Variants in TCF4 observed in about 807,000 individuals in gnomAD.
TCF4 encodes the protein transcription factor 4.
TCF4 carries 3 observed loss-of-function variants against 82.1 expected under a neutral mutation model. The observed-to-expected ratio is 0.04, with a 90% CI of 0.02 to 0.09. The LOEUF (loss-of-function observed/expected upper bound fraction) is 0.09, where lower values mean the gene tolerates loss of function less well. Among genes scored for constraint, TCF4 ranks in the 10% least tolerant of loss-of-function variants. The probability of loss-of-function intolerance (pLI) is 1.00; values close to 1 mark genes in which losing one functional copy is unlikely to be tolerated. For missense variants in TCF4, 518 were observed against 852.7 expected (o/e 0.61, Z 4.89); for synonymous variants, 276 against 309.6 (o/e 0.89, Z 1.14).
Position 55,343,437 on chromosome 18 carries a change from A to T in TCF4, c.549+6922T>A, listed in dbSNP as rs188815542. Among the ~76,000 whole-genome samples the T allele has an allele frequency of 1.2e-3, 180 of 152,296 alleles. 1 individual carries two copies. Among genetic ancestry groups the T allele is most frequent in the Non-Finnish European group, 2.0e-3 (139 of 67,998 alleles). On this transcript the variant is annotated intron_variant, in intron 8 of 19. Coordinates refer to ENST00000354452, the MANE Select transcript of TCF4 (RefSeq NM_001083962.2). ...AAGTTTCATCCCTAGTGGCTTATTT[A>T]TGATTAATTCCTCAGATGACAAAGT... is the stretch of plus-strand genomic sequence containing the variant.
chr18:55,405,804 C>A (rs2094057285), intron 5 of TCF4, among the ~76,000 whole-genome samples: 1 of 152,160 alleles, frequency 6.6e-6, no homozygotes, highest in African/African-American at 2.4e-5. Flanking sequence ...TGAATTCACG[C>A]TGCAGAGTCC....
At chr18:55,557,102 C>T (rs1280980355) in intron 3 of TCF4, among the ~76,000 whole-genome samples, 1 of 152,176 alleles carries the variant, frequency 6.6e-6, no homozygotes, top group African/African-American at 2.4e-5. Context: ...TAATTCATAT[C>T]GGTATGTGTA....
intron 3 of TCF4, among the ~76,000 whole-genome samples, chr18:55,555,387 C>T (rs913577949): frequency 6.6e-6 from 1 of 152,164 alleles, no homozygotes; most frequent in African/African-American, 2.4e-5. Context: ...TTGGTCACTA[C>T]TGTAACCATA....
intron 6 of TCF4, among the ~76,000 whole-genome samples, chr18:55,356,843 C>T (rs1170900100): frequency 6.6e-6 from 1 of 152,082 alleles, no homozygotes; most frequent in African/African-American, 2.4e-5. Context: ...TGGAAATGTA[C>T]GTAATTCCCA....
chr18:55,503,438 C>T (rs1439474587), intron 3 of TCF4, among the ~76,000 whole-genome samples: 1 of 152,114 alleles, frequency 6.6e-6, no homozygotes, highest in Non-Finnish European at 1.5e-5. Context: ...CATTCATTCT[C>T]AAAAGCAACC....
intron 6 of TCF4, among the ~76,000 whole-genome samples, chr18:55,372,580 ACT>A (rs557247199): frequency 4.9e-4 from 74 of 152,220 alleles, no homozygotes; most frequent in African/African-American, 1.7e-3. Context: ...AAATGCAAAG[ACT>A]CTGAAAATTT....
Position 55,586,136 on chromosome 18 carries a change from A to G in TCF4, c.73-784T>C, listed in dbSNP as rs1648309128. On this transcript the variant is annotated intron_variant, in intron 2 of 19. Transcript: ENST00000354452. ...CTAGAAGAGGAGGAGGAGGAGGAGA[A>G]GGAGGAGGAGGAGGAGGAGCAGCAG... 4 of 1,344,344 alleles carry G rather than the reference A, an allele frequency of 3.0e-6. No homozygotes were observed. The African/African-American group carries it at 4.4e-5, about 15-fold the overall frequency. The allele number at this position is 1,344,344 out of a possible 1,614,324, so 83.3% of individuals were successfully genotyped here. A position where few individuals can be genotyped will look rare whatever the true frequency, so the allele number is the denominator to read the frequency against.
intron 3 of TCF4, among the ~76,000 whole-genome samples, chr18:55,554,744 T>C (rs2097289734): frequency 6.6e-6 from 1 of 152,190 alleles, no homozygotes; most frequent in South Asian, 2.1e-4. Flanking sequence ...TCACCTGGAA[T>C]TTAAACATCT....
chr18:55,270,617 AC>A (rs1240953294), intron 10 of TCF4, among the ~76,000 whole-genome samples: 3 of 152,148 alleles, frequency 2.0e-5, no homozygotes, highest in African/African-American at 7.2e-5. Flanking sequence ...TCCATGCCCC[AC>A]CTACAAGCAA....
intron 3 of TCF4, among the ~76,000 whole-genome samples, chr18:55,517,376 A>C (rs1329882827): frequency 6.6e-6 from 1 of 152,144 alleles, no homozygotes; most frequent in Non-Finnish European, 1.5e-5. Context: ...CCCTAAACCA[A>C]CCAGGCCCTC....
At chr18:55,417,593 T>C (rs1270438202) in intron 5 of TCF4, among the ~76,000 whole-genome samples, 1 of 152,180 alleles carries the variant, frequency 6.6e-6, no homozygotes, top group Non-Finnish European at 1.5e-5. Flanking sequence ...CCTCCTAGCA[T>C]GGCACCAAAA....
At chr18:55,368,143 T>C (rs1290681990) in intron 6 of TCF4, among the ~76,000 whole-genome samples, 1 of 152,186 alleles carries the variant, frequency 6.6e-6, no homozygotes, top group Non-Finnish European at 1.5e-5. Context: ...CCCAGCACTG[T>C]GGGAGGCCAA....
rs116288943 is a variant in TCF4 at position 55,540,556 on chromosome 18, T to C, written c.145+44724A>G. Among the ~76,000 whole-genome samples, 430 of 152,118 alleles carry C rather than the reference T, an allele frequency of 2.8e-3. 1 individual carries two copies. The highest frequency in any genetic ancestry group is 9.6e-3 in the African/African-American group (399 of 41,546). ...GCCTAATCAAGAGTAAATCATAATATCTGAGGAGTTATAAAAAACATTATT... is the reference window on the plus strand; with the variant it reads ...GCCTAATCAAGAGTAAATCATAATACCTGAGGAGTTATAAAAAACATTATT... On this transcript the variant is annotated intron_variant, in intron 3 of 19. Coordinates refer to ENST00000354452, the MANE Select transcript of TCF4 (RefSeq NM_001083962.2).
intron 3 of TCF4, among the ~76,000 whole-genome samples, chr18:55,557,276 G>A (rs564765814): frequency 2.0e-5 from 3 of 150,956 alleles, no homozygotes; most frequent in Admixed American, 2.0e-4. Context: ...CACAGACACA[G>A]ACACACACAC....
chr18:55,261,886 A>G (rs1297819745), intron 11 of TCF4, among the ~76,000 whole-genome samples: 1 of 152,142 alleles, frequency 6.6e-6, no homozygotes, highest in Non-Finnish European at 1.5e-5. Flanking sequence ...GCTTTTCTTT[A>G]TATTATTTTA....
chr18:55,623,236 A>T (rs1254929764), intron 2 of TCF4, among the ~76,000 whole-genome samples: 1 of 152,164 alleles, frequency 6.6e-6, no homozygotes, highest in Non-Finnish European at 1.5e-5. Flanking sequence ...TCTTTAAAGA[A>T]ATTCTTTGAG....
chr18:55,523,104 G>C (rs994720619), intron 3 of TCF4, among the ~76,000 whole-genome samples: 21 of 151,964 alleles, frequency 1.4e-4, no homozygotes, highest in African/African-American at 4.8e-4. Context: ...GAGAGTTCAA[G>C]TTAGCTATTG....
chr18:55,512,484 C>A (rs139039811), intron 3 of TCF4, among the ~76,000 whole-genome samples: 1 of 151,958 alleles, frequency 6.6e-6, no homozygotes, highest in African/African-American at 2.4e-5. Flanking sequence ...AATGAGGATA[C>A]GTTACATTTT....
intron 4 of TCF4, among the ~76,000 whole-genome samples, chr18:55,462,732 T>C (rs2095894118): frequency 1.3e-5 from 2 of 152,170 alleles, no homozygotes; most frequent in African/African-American, 4.8e-5. Context: ...GGGAGTTCTA[T>C]GATCTCCACT....
Sources: allele counts gnomAD v4.1 joint callset (sites outside exome capture counted in the v4.1 genomes callset), GRCh38; gene constraint gnomAD v4.1.1; transcripts MANE v1.5; gene names NCBI Gene and HGNC (gene_info 2026-07-23, HGNC 2026-07-21).